Variants in ERBB4 observed in about 807,000 individuals in gnomAD.
The protein encoded by ERBB4 is erb-b2 receptor tyrosine kinase 4.
A neutral mutation model predicts 158.0 loss-of-function variants in ERBB4; 42 were observed. The observed-to-expected ratio is 0.27, with a 90% confidence interval of 0.21 to 0.34. The LOEUF (loss-of-function observed/expected upper bound fraction) is 0.34, where lower values mean the gene tolerates loss of function less well. Among genes scored for constraint, ERBB4 ranks in the 10% least tolerant of loss-of-function variants. The pLI is 1.00. For missense variants in ERBB4, 1,333 were observed against 1,624.1 expected, an observed-to-expected ratio of 0.82 and a Z score of 3.08; for synonymous variants, 583 against 558.7, an observed-to-expected ratio of 1.04 and a Z score of -0.61.
At chr2:211,414,846 A>T (rs1559143886) in intron 25 of ERBB4, among the ~76,000 whole-genome samples, 1 of 152,068 alleles carries the variant, frequency 6.6e-6, no homozygotes, top group Admixed American at 6.6e-5. Flanking sequence ...ATCATTTGTA[A>T]GTTACGTAAA....
chr2:211,402,364 A>G (rs1234843840), intron 25 of ERBB4, among the ~76,000 whole-genome samples: 1 of 152,118 alleles, frequency 6.6e-6, no homozygotes, highest in Admixed American at 6.6e-5. Flanking sequence ...GCAAAAAACG[A>G]TAAATGAGAA....
chr2:211,519,043 A>G (rs866964973), intron 20 of ERBB4, among the ~76,000 whole-genome samples: 4 of 152,158 alleles, frequency 2.6e-5, no homozygotes, highest in Middle Eastern at 3.4e-3. Context: ...ATTTGGGAAC[A>G]GGCAAAGACC....
chr2:212,202,496 G>C (rs373368710), intron 1 of ERBB4, among the ~76,000 whole-genome samples: 2 of 152,082 alleles, frequency 1.3e-5, no homozygotes, highest in South Asian at 2.1e-4. Flanking sequence ...CTACAGGCAT[G>C]AGCCACCATG....
chr2:212,354,271 G>T (rs748645702), intron 1 of ERBB4, among the ~76,000 whole-genome samples: 10 of 152,094 alleles, frequency 6.6e-5, no homozygotes, highest in Non-Finnish European at 1.3e-4. Context: ...GGAGCTGGCA[G>T]CAAGTTTGAA....
intron 16 of ERBB4, among the ~76,000 whole-genome samples, chr2:211,642,885 A>G (rs2070649773): frequency 6.6e-6 from 1 of 152,182 alleles, no homozygotes; most frequent in South Asian, 2.1e-4. Context: ...AAATGAGAAG[A>G]GTTATTTATG....
intron 3 of ERBB4, among the ~76,000 whole-genome samples, chr2:211,856,010 ACAACG>A (rs1243466002): frequency 6.6e-6 from 1 of 151,364 alleles, no homozygotes; most frequent in African/African-American, 2.4e-5. Context: ...CTTCATGGGT[ACAACG>A]TACCTTATTT....
chr2:211,420,056 T>A (rs1274412283), intron 25 of ERBB4, among the ~76,000 whole-genome samples: 1 of 152,028 alleles, frequency 6.6e-6, no homozygotes, highest in Non-Finnish European at 1.5e-5. Flanking sequence ...TCTTGACTAA[T>A]ATATCATAAT....
chr2:211,883,611 C>G (rs889561766), intron 3 of ERBB4, among the ~76,000 whole-genome samples: 3 of 151,888 alleles, frequency 2.0e-5, no homozygotes, highest in African/African-American at 7.3e-5. Context: ...GTGAAAGAAA[C>G]CCTGTCTCCA....
intron 1 of ERBB4, among the ~76,000 whole-genome samples, chr2:212,168,377 T>C (rs1559642579): frequency 2.0e-5 from 3 of 152,274 alleles, no homozygotes; most frequent in East Asian, 3.9e-4. Flanking sequence ...TTATTCTTCT[T>C]GCATGACATC....
At chr2:211,840,133 G>T (rs886540764) in intron 3 of ERBB4, among the ~76,000 whole-genome samples, 3 of 152,022 alleles carry the variant, frequency 2.0e-5, no homozygotes, top group African/African-American at 7.2e-5. Context: ...CGTGTTGTGG[G>T]AGGGACCTGG....
intron 2 of ERBB4, among the ~76,000 whole-genome samples, chr2:212,030,104 G>C (rs1204306900): frequency 6.6e-6 from 1 of 152,040 alleles, no homozygotes; most frequent in African/African-American, 2.4e-5. Flanking sequence ...TACTGAGTTT[G>C]GGAAGTTCAT....
chr2:211,888,880 C>T (rs935703815), intron 3 of ERBB4, among the ~76,000 whole-genome samples: 1 of 151,806 alleles, frequency 6.6e-6, no homozygotes, highest in Admixed American at 6.6e-5. Flanking sequence ...ATATCCCACA[C>T]CTGGCTCGGA....
At chr2:212,163,237 C>G (rs1348083232) in intron 1 of ERBB4, among the ~76,000 whole-genome samples, 2 of 151,920 alleles carry the variant, frequency 1.3e-5, no homozygotes, top group Non-Finnish European at 2.9e-5. Context: ...ACTTTCTAAT[C>G]TTTCATGTTA....
At chr2:212,332,275 A>C (rs1213878765) in intron 1 of ERBB4, among the ~76,000 whole-genome samples, 2 of 151,962 alleles carry the variant, frequency 1.3e-5, no homozygotes, top group African/African-American at 2.4e-5. Flanking sequence ...CTCTCTCCTG[A>C]CGCCGCCATG....
chr2:211,488,212 T>C (rs2065255451), intron 20 of ERBB4, among the ~76,000 whole-genome samples: 2 of 152,144 alleles, frequency 1.3e-5, no homozygotes. Flanking sequence ...CTCAACGGAA[T>C]GGCTGGACAT....
At chr2:211,736,383 T>C (rs896727500) in intron 5 of ERBB4, among the ~76,000 whole-genome samples, 1 of 152,204 alleles carries the variant, frequency 6.6e-6, no homozygotes, top group Non-Finnish European at 1.5e-5. Flanking sequence ...TTCTGGTCAA[T>C]TTTATTCCAA....
rs185062421 is a variant in ERBB4 at position 212,403,817 on chromosome 2, T to C, written c.82+134632A>G. Among the ~76,000 whole-genome samples, 940 of 152,178 alleles carry C rather than the reference T, an allele frequency of 6.2e-3. 3 individuals carry two copies. Among genetic ancestry groups the C allele is most frequent in the Non-Finnish European group, 9.4e-3 (638 of 67,956 alleles). On this transcript the variant is annotated intron_variant, in intron 1 of 27. Coordinates refer to ENST00000342788, the MANE Select transcript of ERBB4 (RefSeq NM_005235.3). ...TTCTAAAGTTAATAATAATGTATTA[T>C]GCACTTAAAAACCTCTTGAGGATAC...
At chr2:211,407,546 T>G (rs2063171460) in intron 25 of ERBB4, among the ~76,000 whole-genome samples, 1 of 152,214 alleles carries the variant, frequency 6.6e-6, no homozygotes, top group African/African-American at 2.4e-5. Flanking sequence ...CTTTCCCTTT[T>G]TGATTTACTG....
At chr2:211,815,495 A>G (rs1255823835) in intron 3 of ERBB4, among the ~76,000 whole-genome samples, 2 of 152,240 alleles carry the variant, frequency 1.3e-5, no homozygotes, top group African/African-American at 4.8e-5. Flanking sequence ...TTAAGAAATG[A>G]TAACAAAATA....
Sources: allele counts gnomAD v4.1 joint callset (sites outside exome capture counted in the v4.1 genomes callset), GRCh38; gene constraint gnomAD v4.1.1; transcripts MANE v1.5; gene names NCBI Gene and HGNC (gene_info 2026-07-23, HGNC 2026-07-21).